Variants in TG observed in about 807,000 individuals in gnomAD.
The protein encoded by TG is thyroid hormones.
TG carries 270 observed loss-of-function variants against 324.7 expected under a neutral mutation model. That is an observed-to-expected ratio of 0.83 (90% CI 0.75 to 0.92). The LOEUF is 0.92. Ranked by LOEUF, TG falls within the 40% of genes least tolerant of loss-of-function variation. TG has a pLI of 0.00. For synonymous variants in TG, 1,401 were observed against 1,327.0 expected, an observed-to-expected ratio of 1.06 and a Z score of -1.21; for missense variants, 3,591 against 3,456.4, an observed-to-expected ratio of 1.04 and a Z score of -0.98.
intron 27 of TG, 27 bp from the exon 28 acceptor site, chr8:132,960,981 C>G: frequency 6.2e-7 from 1 of 1,612,206 alleles, no homozygotes; most frequent in Non-Finnish European, 8.5e-7. Flanking sequence ...CACTCAAGCT[C>G]ATAAAAATAA....
intron 35 of TG, chr8:132,994,660 C>T: frequency 7.8e-7 from 1 of 1,282,160 alleles, no homozygotes; most frequent in Non-Finnish European, 1.0e-6. Flanking sequence ...AATTCCCTGA[C>T]CTCCTGAAGG....
intron 43 of TG, 28 bp from the exon 44 acceptor site, chr8:133,113,394 G>A (rs1468262712): frequency 6.2e-7 from 1 of 1,613,112 alleles, no homozygotes; most frequent in East Asian, 2.2e-5. Flanking sequence ...ATCCAACTGA[G>A]GAATTTCGTA....
chr8:132,948,942 GA>G lies in TG; in HGVS notation c.5401del (p.Ser1801ValfsTer2), dbSNP rs770618613. The G allele has an allele frequency of 6.2e-7, 1 of 1,613,252 alleles. No individual in the cohort carries two copies. The highest frequency in any genetic ancestry group is 1.7e-5 in the Admixed American group (1 of 60,022). On this transcript the variant is annotated frameshift_variant and splice_region_variant, in exon 27 of 48. Transcript: ENST00000220616. LOFTEE classifies it high-confidence loss of function. ...GTCTTGGAGACCAGGAGTTCATCAA[GA>G]GTAAGTCTTTGCCATTTGTCCATAT... ...LRLGDQEFIK[S>X]LTPLEGTQDT...
chr8:133,051,780 G>T (rs1564120998), intron 41 of TG, among the ~76,000 whole-genome samples: 1 of 152,120 alleles, frequency 6.6e-6, no homozygotes, highest in African/African-American at 2.4e-5. Context: ...ATACATTTTT[G>T]GGGGAAATAA....
intron 27 of TG, 87 bp downstream of exon 27, chr8:132,949,030 G>T: frequency 1.6e-6 from 2 of 1,249,508 alleles, no homozygotes; most frequent in Non-Finnish European, 2.3e-6. Flanking sequence ...AGCCCTCCTT[G>T]TGGCCTGAGG....
intron 41 of TG, chr8:133,094,767 T>G: frequency 1.9e-6 from 1 of 513,182 alleles, no homozygotes; most frequent in South Asian, 2.0e-5. Context: ...ATATACAAAT[T>G]CATCTGCACA....
intron 21 of TG, among the ~76,000 whole-genome samples, chr8:132,922,443 T>G (rs1821240443): frequency 6.6e-6 from 1 of 151,900 alleles, no homozygotes; most frequent in Non-Finnish European, 1.5e-5. Context: ...GTCTATCGAG[T>G]GGGAGGCAGG....
intron 43 of TG, among the ~76,000 whole-genome samples, chr8:133,105,102 A>G (rs992722658): frequency 1.3e-5 from 2 of 152,372 alleles, no homozygotes; most frequent in East Asian, 1.9e-4. Flanking sequence ...TGCAAGAAGC[A>G]GGTGAACTCT....
At chr8:133,069,308 A>G (rs150199935) in intron 41 of TG, among the ~76,000 whole-genome samples, 4 of 152,384 alleles carry the variant, frequency 2.6e-5, no homozygotes, top group African/African-American at 9.6e-5. Context: ...CAAGATGGGA[A>G]TCAGCATTTC....
chr8:132,995,904 A>G (rs181801299), intron 35 of TG, among the ~76,000 whole-genome samples: 1 of 152,342 alleles, frequency 6.6e-6, no homozygotes, highest in African/African-American at 2.4e-5. Context: ...ATGGTTACCC[A>G]CCAACACACA....
At chr8:132,870,388 G>A (rs938589480) in intron 3 of TG, among the ~76,000 whole-genome samples, 3 of 146,650 alleles carry the variant, frequency 2.0e-5, no homozygotes, top group Non-Finnish European at 4.5e-5. Context: ...TGGTTGTCAT[G>A]GGGGCACGCT....
chr8:132,906,558 T>C lies in TG; in HGVS notation c.3635-130T>C, dbSNP rs564781045. 7.2e-5 allele frequency: 76 copies of C among 1,059,642 alleles called. No homozygotes were observed. In the African/African-American group the frequency reaches 9.2e-4, roughly 13 times the overall value. 65.6% of individuals were successfully genotyped at this position (1,059,642 alleles called of 1,614,324 possible). On this transcript the variant is annotated intron_variant, in intron 16 of 47. Coordinates refer to ENST00000220616, the MANE Select transcript of TG (RefSeq NM_003235.5). ...CAGGCCCAGGCCAGGCCCTGAGAGC[T>C]TGACAGGTCCAGGGAAGGGGAGAGG...
In TG at chr8:133,131,963, T is replaced by C; in HGVS notation, c.7997+17T>C. Reference sequence around the variant, plus strand: ...CAGATCAGGGTAATTTTGGACCACTTGTTCAGAATTCTGTCACTGTGCTTT... The same window carrying C: ...CAGATCAGGGTAATTTTGGACCACTCGTTCAGAATTCTGTCACTGTGCTTT... On this transcript the variant is annotated intron_variant, in intron 46 of 47. Coordinates refer to ENST00000220616, the MANE Select transcript of TG (RefSeq NM_003235.5). 1 of 1,613,982 alleles carries C rather than the reference T, an allele frequency of 6.2e-7. No individual in the cohort carries two copies. The highest frequency in any genetic ancestry group is 1.1e-5 in the South Asian group (1 of 91,076).
At chr8:132,964,857 G>GA in intron 29 of TG, 1 of 700,496 alleles carries the variant, frequency 1.4e-6, no homozygotes, top group Non-Finnish European at 2.6e-6. Context: ...GAATGCAGGA[G>GA]AAGGAATGCT....
chr8:133,088,872 A>C (rs11995077), intron 41 of TG, among the ~76,000 whole-genome samples: 5,498 of 152,320 alleles, frequency 0.036, 341 homozygotes, highest in African/African-American at 0.13. Flanking sequence ...TCAGGCTTTT[A>C]GGGATCAAGA....
chr8:132,918,810 A>T (rs2687812), intron 20 of TG, among the ~76,000 whole-genome samples: 62,411 of 151,876 alleles, frequency 0.41, 15,580 homozygotes, highest in Admixed American at 0.54. Flanking sequence ...TGCACAGTGC[A>T]TGGCATATTC....
At chr8:133,132,873 A>G (rs1852048745) in intron 46 of TG, among the ~76,000 whole-genome samples, 1 of 152,220 alleles carries the variant, frequency 6.6e-6, no homozygotes, top group South Asian at 2.1e-4. Flanking sequence ...AAAGAAGAAG[A>G]AGACACTTCC....
chr8:132,983,932 C>G (rs953011558), intron 35 of TG, among the ~76,000 whole-genome samples: 12 of 152,326 alleles, frequency 7.9e-5, no homozygotes, highest in African/African-American at 2.2e-4. Flanking sequence ...TGGACCCAGG[C>G]TGCCCTTGCT....
At chr8:133,033,428 A>G (rs1836812063) in intron 41 of TG, among the ~76,000 whole-genome samples, 1 of 152,180 alleles carries the variant, frequency 6.6e-6, no homozygotes, top group Non-Finnish European at 1.5e-5. Context: ...CAGACAGGGA[A>G]GGTCATGTCC....
Sources: gnomAD v4.1 joint callset for allele counts (sites outside exome capture counted in the v4.1 genomes callset) on GRCh38, gnomAD v4.1.1 for gene constraint, MANE v1.5 for transcripts, NCBI Gene and HGNC (gene_info 2026-07-23, HGNC 2026-07-21) for gene names.